The following OTOF variants were observed in gnomAD, a reference collection of about 807,000 sequenced individuals.
OTOF encodes the protein fer-1-like family member 2.
A neutral mutation model predicts 236.8 loss-of-function variants in OTOF; 218 were observed. The observed-to-expected ratio is 0.92, with a 90% CI of 0.82 to 1.03. The LOEUF (loss-of-function observed/expected upper bound fraction) is 1.03, where lower values mean the gene tolerates loss of function less well. Ranked by LOEUF, OTOF falls within the 50% of genes least tolerant of loss-of-function variation. The pLI is 0.00. For missense variants in OTOF, 2,590 were observed against 2,694.4 expected (o/e 0.96, Z 0.86); for synonymous variants, 1,041 against 1,072.5 (o/e 0.97, Z 0.57).
rs1442445215 is a variant in OTOF at position 26,518,899 on chromosome 2, T to C, written c.327+111A>G. 4 of 788,886 alleles carry C rather than the reference T, an allele frequency of 5.1e-6. No individual in the cohort carries two copies. In the African/African-American group the frequency reaches 6.8e-5, roughly 13 times the overall value. The allele number at this position is 788,886 out of a possible 1,614,324, so 48.9% of individuals were successfully genotyped here. On this transcript the variant is annotated intron_variant, in intron 4 of 46. Coordinates refer to ENST00000272371, the MANE Select transcript of OTOF (RefSeq NM_194248.3). ...CTGAGTCTCCTCCTCCTGCGACACC[T>C]CGCCATGCATGAGAGGCATTCCCCA...
intron 3 of OTOF, among the ~76,000 whole-genome samples, chr2:26,524,614 T>C (rs1415801271): frequency 6.6e-6 from 1 of 152,256 alleles, no homozygotes; most frequent in East Asian, 1.9e-4. Flanking sequence ...GATTTGTTTG[T>C]AGCAGTCTTT....
chr2:26,476,248 G>A lies in OTOF; in HGVS notation c.2746C>T (p.Leu916=). The A allele has an allele frequency of 6.2e-7, 1 of 1,607,914 alleles. No homozygotes were observed. Among genetic ancestry groups the A allele is most frequent in the Non-Finnish European group, 8.5e-7 (1 of 1,179,814 alleles). ...VQAKVELYLW[L]GLSKQRKEFL... ...TCCTTGCGCTGTTTGCTGAGGCCCA[G>A]CCACAGGTACAGCTCCACCTTGGCC... The change falls in exon 23 of 47, where the codon CTG becomes TTG. Residue 916 remains leucine, a synonymous_variant. Transcript: ENST00000272371.
intron 1 of OTOF, among the ~76,000 whole-genome samples, chr2:26,540,819 A>C (rs1235655588): frequency 6.6e-6 from 1 of 152,206 alleles, no homozygotes; most frequent in Non-Finnish European, 1.5e-5. Flanking sequence ...TCTATACGGC[A>C]AAGAGATGTG....
intron 13 of OTOF, among the ~76,000 whole-genome samples, chr2:26,483,203 G>GCGCGTGCGTGTATGAGTGGGTT (rs1665610158): frequency 6.6e-6 from 1 of 151,980 alleles, no homozygotes; most frequent in African/African-American, 2.4e-5. Flanking sequence ...ATGAGTGGGT[G>GCGCGTGCGTGTATGAGTGGGTT]CATGTGTGTG....
chr2:26,526,019 G>A (rs572431037), intron 3 of OTOF, among the ~76,000 whole-genome samples: 9 of 150,406 alleles, frequency 6.0e-5, no homozygotes, highest in Non-Finnish European at 1.0e-4. Context: ...CCAGAGAGGC[G>A]GAGGTTGCAG....
At chr2:26,479,236 C>T (rs775142809) in intron 18 of OTOF, 28 bp downstream of exon 18, 3 of 1,611,400 alleles carry the variant, frequency 1.9e-6, no homozygotes, top group Non-Finnish European at 2.5e-6. Context: ...AGGACCCCAC[C>T]CCTGCTGGCC....
chr2:26,472,498 G>T, intron 30 of OTOF, 21 bp downstream of exon 30: 4 of 1,613,232 alleles, frequency 2.5e-6, no homozygotes, highest in Non-Finnish European at 3.4e-6. Context: ...GCCAGCAGGG[G>T]GCTGACCCCA....
intron 11 of OTOF, among the ~76,000 whole-genome samples, chr2:26,486,532 C>T (rs546526018): frequency 4.7e-4 from 71 of 152,274 alleles, no homozygotes; most frequent in South Asian, 3.7e-3. Context: ...AAAGAGAATA[C>T]GGTTCAGGAG....
At chr2:26,550,368 C>G (rs925878058) in intron 1 of OTOF, among the ~76,000 whole-genome samples, 1 of 151,856 alleles carries the variant, frequency 6.6e-6, no homozygotes, top group African/African-American at 2.4e-5. Flanking sequence ...TGCAGGGGGG[C>G]CCCTGTTGCT....
chr2:26,537,719 A>G lies in OTOF; in HGVS notation c.135T>C (p.Asp45=). The G allele has an allele frequency of 6.4e-7, 1 of 1,553,860 alleles. No homozygotes were observed. The highest frequency in any genetic ancestry group is 8.7e-7 in the Non-Finnish European group (1 of 1,147,824). ...GGGGGAGTCTTGGGCCTCCTACCTC[A>G]TCAAAGTCAGCCACATCCTCACAGT... The part of the protein sequence containing the change: ...LENCEDVADF[D]ETFRWPVASS... The change falls in exon 2 of 47, where the codon GAT becomes GAC. Residue 45 remains aspartate (D), a synonymous_variant. Transcript: ENST00000272371.
At chr2:26,476,860 A>T in intron 22 of OTOF, 31 bp downstream of exon 22, 1 of 1,597,470 alleles carries the variant, frequency 6.3e-7, no homozygotes, top group Non-Finnish European at 8.5e-7. Context: ...GAAAGGACCC[A>T]GGCCCCCATC....
chr2:26,525,209 C>A (rs1037465152), intron 3 of OTOF, among the ~76,000 whole-genome samples: 1 of 152,210 alleles, frequency 6.6e-6, no homozygotes, highest in Non-Finnish European at 1.5e-5. Flanking sequence ...AACATCCTCC[C>A]TGTGGCCCTG....
rs1399735978 is a variant in OTOF, at chr2:26,466,930, G to A, written c.4363-79C>T. ...TCAAAATAGCTAACAGCACCAGGAG[G>A]GCTGGACCCTGATGTGGCAGGGCCT... On this transcript the variant is annotated intron_variant, in intron 35 of 46. Coordinates refer to ENST00000272371, the MANE Select transcript of OTOF (RefSeq NM_194248.3). 2.5e-6 allele frequency: 4 copies of A among 1,594,428 alleles called. No homozygotes were observed. The Admixed American group carries it at 5.0e-5, about 20-fold the overall frequency.
chr2:26,479,809 C>T (rs534592017), intron 16 of OTOF, among the ~76,000 whole-genome samples, 156 bp from the exon 17 acceptor site: 127 of 152,322 alleles, frequency 8.3e-4, no homozygotes, highest in Non-Finnish European at 1.5e-3. Flanking sequence ...AGCATTAGCC[C>T]GTGTCCCCAC....
Position 26,475,369 on chromosome 2 carries a change from T to C in OTOF, c.3116A>G (p.Gln1039Arg). 3 of 1,613,062 alleles carry C rather than the reference T, an allele frequency of 1.9e-6. No individual in the cohort carries two copies. The highest frequency in any genetic ancestry group is 1.7e-4 in the Middle Eastern group (1 of 6,060). The change falls in exon 25 of 47, where the codon CAG (glutamine) becomes CGG (arginine). Residue 1039 changes from glutamine (Q) to arginine (R), a missense_variant. Coordinates refer to ENST00000272371, the MANE Select transcript of OTOF (RefSeq NM_194248.3). ...PPIIVIEIYDQDSMGKADFMG... is the reference protein window; with the variant it reads ...PPIIVIEIYDRDSMGKADFMG... Reference sequence around the variant, plus strand: ...AGAGCCCACCCATACCATGGAATCCTGGTCATAGATTTCAATGACAATGAT... The same window carrying C: ...AGAGCCCACCCATACCATGGAATCCCGGTCATAGATTTCAATGACAATGAT...
rs1558472224 is a variant in OTOF at position 26,466,718 on chromosome 2, AC to A, written c.4495del (p.Val1499SerfsTer23). On this transcript the variant is annotated frameshift_variant, in exon 36 of 47. Coordinates refer to ENST00000272371, the MANE Select transcript of OTOF (RefSeq NM_194248.3). LOFTEE classifies it high-confidence loss of function. ...PINVLVRVYV[V>X]RATDLHPADI... ...GGAAAGCGACGGGAGTCTCACCCGG[AC>A]CACATAGACTCGGACCAGCACATTG... 1.9e-6 allele frequency: 3 copies of A among 1,614,028 alleles called. No individual in the cohort carries two copies. The highest frequency in any genetic ancestry group is 2.5e-6 in the Non-Finnish European group (3 of 1,180,012).
rs1665392359 is a variant in OTOF at position 26,477,796 on chromosome 2, C to T, written c.2215-47G>A. 1.9e-6 allele frequency: 3 copies of T among 1,606,070 alleles called. No homozygotes were observed. Among genetic ancestry groups the T allele is most frequent in the South Asian group, 2.2e-5 (2 of 90,066 alleles). On this transcript the variant is annotated intron_variant, in intron 18 of 46. Coordinates refer to ENST00000272371, the MANE Select transcript of OTOF (RefSeq NM_194248.3). This position sits in a 1 kb window ranked among gnomAD's most constrained non-coding sequence, Gnocchi z 4.7. ...GATGCTGGGCCACAGCCCCGCCTCCCCAGCCTCCCCAAATGCCTCCTCCCT... is the reference window on the plus strand; with the variant it reads ...GATGCTGGGCCACAGCCCCGCCTCCTCAGCCTCCCCAAATGCCTCCTCCCT...
intron 1 of OTOF, among the ~76,000 whole-genome samples, chr2:26,549,732 T>A (rs898822962): frequency 6.6e-6 from 1 of 152,144 alleles, no homozygotes; most frequent in Non-Finnish European, 1.5e-5. Flanking sequence ...GGATGATAAA[T>A]CCCATCTCTC....
chr2:26,545,270 A>AT (rs1431333981), intron 1 of OTOF, among the ~76,000 whole-genome samples: 1 of 152,116 alleles, frequency 6.6e-6, no homozygotes, highest in East Asian at 1.9e-4. Flanking sequence ...TGTTGATCAC[A>AT]TTTTCACATG....
Sources: gnomAD v4.1 joint callset for allele counts (sites outside exome capture counted in the v4.1 genomes callset) on GRCh38, gnomAD v4.1.1 for gene constraint, Gnocchi (gnomAD v3.1) non-coding constraint, MANE v1.5 for transcripts, NCBI Gene and HGNC (gene_info 2026-07-23, HGNC 2026-07-21) for gene names.